Variants in PRIM2 observed in about 807,000 individuals in gnomAD.
PRIM2 encodes DNA primase large subunit.
In PRIM2, 39 loss-of-function variants were observed where a neutral mutation model predicts 67.3. The ratio of observed to expected loss-of-function variants is 0.58; its 90% CI spans 0.45 to 0.76. The LOEUF (loss-of-function observed/expected upper bound fraction) is 0.76. PRIM2 is among the 30% of genes least tolerant of loss of function. The probability of loss-of-function intolerance (pLI) is 0.00; values close to 1 mark genes in which losing one functional copy is unlikely to be tolerated. For synonymous variants in PRIM2, 143 were observed against 198.7 expected (o/e 0.72, Z 2.36); for missense variants, 398 against 598.7 (o/e 0.66, Z 3.50).
chr6:57,494,147 G>T (rs1773954730), intron 7 of PRIM2, among the ~76,000 whole-genome samples: 1 of 152,140 alleles, frequency 6.6e-6, no homozygotes, highest in Non-Finnish European at 1.5e-5. Context: ...TTATGCCTTG[G>T]TACTTTGAGT....
At chr6:57,225,062 A>G in the PRIM2 span, among the ~76,000 whole-genome samples, 14 of 152,098 alleles carry the variant, frequency 9.2e-5, no homozygotes, top group African/African-American at 3.4e-4. Flanking sequence ...ACTCGGCCAC[A>G]ATTTACCACC....
At chr6:57,397,217 A>C (rs1260874117) in intron 7 of PRIM2, among the ~76,000 whole-genome samples, 2 of 152,148 alleles carry the variant, frequency 1.3e-5, no homozygotes, top group Non-Finnish European at 2.9e-5. Flanking sequence ...CTAGGTCTCT[A>C]GCATTACCGG....
At position 57,646,392 on chromosome 6, in the gene PRIM2, A is replaced by C; in HGVS notation, c.*234A>C. 1 of 458,862 alleles carries C rather than the reference A, an allele frequency of 2.2e-6. No individual in the cohort carries two copies. The highest frequency in any genetic ancestry group is 4.0e-5 in the East Asian group (1 of 25,204). 28.4% of individuals were successfully genotyped at this position (458,862 alleles called of 1,614,324 possible). ...ATAATTTTTTTCAATTTTTTTTTGT[A>C]GAGGTGGGGGGTCTCCCTATGTTGC... On this transcript the variant is annotated 3_prime_UTR_variant, in exon 14 of 14. Transcript: ENST00000615550.
chr6:57,368,785 T>A (rs2127321285), intron 5 of PRIM2, among the ~76,000 whole-genome samples: 1 of 152,282 alleles, frequency 6.6e-6, no homozygotes, highest in South Asian at 2.1e-4. Flanking sequence ...AGGTCACTGT[T>A]CCAGTCAGTT....
At chr6:57,315,109 T>G (rs1767455332), upstream of PRIM2, among the ~76,000 whole-genome samples, 1 of 152,234 alleles carries the variant, frequency 6.6e-6, no homozygotes. Context: ...GAGCTGGTCA[T>G]GAAATGACAC....
At chr6:57,325,531 C>T (rs1167927817) in intron 4 of PRIM2, among the ~76,000 whole-genome samples, 1 of 152,094 alleles carries the variant, frequency 6.6e-6, no homozygotes, top group Non-Finnish European at 1.5e-5. Context: ...TGGGCTCGAG[C>T]AATCTGCCTG....
chr6:57,483,693 G>A (rs1773681960), intron 7 of PRIM2, among the ~76,000 whole-genome samples: 1 of 152,216 alleles, frequency 6.6e-6, no homozygotes, highest in Admixed American at 6.5e-5. Context: ...GCAGCAGGAA[G>A]AGAATGGGAA....
chr6:57,293,834 T>TG, the PRIM2 span, among the ~76,000 whole-genome samples: 5 of 52,724 alleles, frequency 9.5e-5, no homozygotes, highest in Admixed American at 2.2e-4. Flanking sequence ...TGGGGCCTGT[T>TG]GGGGGGTGGG....
chr6:57,393,487 A>G (rs899032151), intron 7 of PRIM2, among the ~76,000 whole-genome samples: 3 of 151,838 alleles, frequency 2.0e-5, no homozygotes, highest in Non-Finnish European at 2.9e-5. Context: ...TCCTTAGCCC[A>G]CTTTTTGATG....
At chr6:57,567,981 GTT>G (rs1159558348) in intron 10 of PRIM2, among the ~76,000 whole-genome samples, 181 of 152,080 alleles carry the variant, frequency 1.2e-3, no homozygotes, top group African/African-American at 3.4e-3. Flanking sequence ...TAAACTGTTT[GTT>G]TGTTCATAGG....
chr6:57,467,757 G>A (rs1447062659), intron 7 of PRIM2, among the ~76,000 whole-genome samples: 1 of 135,558 alleles, frequency 7.4e-6, no homozygotes, highest in Non-Finnish European at 1.6e-5. Flanking sequence ...TCATATTCAT[G>A]AGCATGGAAT....
chr6:57,270,900 C>T, the PRIM2 span, among the ~76,000 whole-genome samples: 1 of 151,774 alleles, frequency 6.6e-6, no homozygotes, highest in Non-Finnish European at 1.5e-5. Flanking sequence ...TGGTTTTTGT[C>T]TTTGGTTCTG....
At chr6:57,267,228 T>G in the PRIM2 span, among the ~76,000 whole-genome samples, 1 of 152,190 alleles carries the variant, frequency 6.6e-6, no homozygotes, top group Non-Finnish European at 1.5e-5. Flanking sequence ...CCACTTTGCT[T>G]GGATATTAGT....
chr6:57,409,637 ATT>A (rs1437701725), intron 7 of PRIM2, among the ~76,000 whole-genome samples: 1 of 152,138 alleles, frequency 6.6e-6, no homozygotes, highest in Non-Finnish European at 1.5e-5. Context: ...AAAAGTTGAT[ATT>A]GTCAGTTTTA....
At chr6:57,331,695 G>T (rs1768062599) in intron 5 of PRIM2, among the ~76,000 whole-genome samples, 1 of 151,826 alleles carries the variant, frequency 6.6e-6, no homozygotes, top group Middle Eastern at 3.2e-3. Flanking sequence ...GTTATTCATA[G>T]TTTTCTCTTA....
chr6:57,582,478 G>A (rs1327313307), intron 10 of PRIM2, among the ~76,000 whole-genome samples: 2 of 152,036 alleles, frequency 1.3e-5, no homozygotes, highest in Admixed American at 1.3e-4. Flanking sequence ...ATATTTTTTA[G>A]TTCAGACTTT....
At chr6:57,341,013 T>C (rs1163009724) in intron 5 of PRIM2, among the ~76,000 whole-genome samples, 1 of 152,232 alleles carries the variant, frequency 6.6e-6, no homozygotes, top group Non-Finnish European at 1.5e-5. Context: ...TTATATCCTG[T>C]TTCACTTTGC....
chr6:57,604,842 C>T (rs1477373660), intron 11 of PRIM2, among the ~76,000 whole-genome samples: 3 of 152,012 alleles, frequency 2.0e-5, no homozygotes, highest in Admixed American at 6.5e-5. Flanking sequence ...AGGTGCCTGC[C>T]GCCATGCCCA....
intron 7 of PRIM2, among the ~76,000 whole-genome samples, chr6:57,498,960 A>C (rs1419233823): frequency 1.3e-5 from 2 of 152,214 alleles, no homozygotes; most frequent in Non-Finnish European, 2.9e-5. Flanking sequence ...TTCTTCCTAC[A>C]GGCCCTTTTC....
Sources: gnomAD v4.1 joint callset for allele counts (sites outside exome capture counted in the v4.1 genomes callset) on GRCh38, gnomAD v4.1.1 for gene constraint, MANE v1.5 for transcripts, NCBI Gene and HGNC (gene_info 2026-07-23, HGNC 2026-07-21) for gene names.